RHOBTB2: variants seen among roughly 807,000 people sequenced by gnomAD.
RHOBTB2 encodes the protein rho-related BTB domain-containing protein 2.
In RHOBTB2, 39 loss-of-function variants were observed where a neutral mutation model predicts 66.5. That is an observed-to-expected ratio of 0.59 (90% CI 0.45 to 0.77). The LOEUF (loss-of-function observed/expected upper bound fraction) is 0.77, where lower values mean the gene tolerates loss of function less well. RHOBTB2 is among the 30% of genes least tolerant of loss of function. The pLI is 0.00. For synonymous variants in RHOBTB2, 390 were observed against 395.0 expected (o/e 0.99, Z 0.15); for missense variants, 755 against 999.1 (o/e 0.76, Z 3.29).
intron 1 of RHOBTB2, chr8:22,992,012 T>C (rs1463390756): frequency 6.6e-6 from 1 of 152,186 alleles, no homozygotes; most frequent in Non-Finnish European, 1.5e-5. Context: ...CATTGCAATG[T>C]GATCATGTTT....
At chr8:22,999,535 C>T (rs1348341240), upstream of RHOBTB2, 1 of 1,136,138 alleles carries the variant, frequency 8.8e-7, no homozygotes, top group Non-Finnish European at 1.1e-6. Flanking sequence ...ACCAACTGCG[C>T]GCGGCAGTGG....
the RHOBTB2 span, among the ~76,000 whole-genome samples, chr8:22,979,359 TC>T: frequency 0.022 from 3,357 of 152,276 alleles, 113 homozygotes; most frequent in African/African-American, 0.077. Flanking sequence ...AAAAGAAAAT[TC>T]TAAGAACAAT....
Position 23,006,616 on chromosome 8 carries a change from G to C in RHOBTB2, c.483-112G>C. ...TTTGGCCAGACAGAGCAGGGCAGGA[G>C]TGGGTGGGGATTGGCACCCAGATCC... On this transcript the variant is annotated intron_variant, in intron 4 of 9. Transcript: ENST00000251822. The surrounding 1 kb of genome is among the most constrained non-coding windows in gnomAD (Gnocchi z 6.1). The C allele has an allele frequency of 9.8e-7, 1 of 1,018,510 alleles. No individual in the cohort carries two copies. The highest frequency in any genetic ancestry group is 1.5e-6 in the Non-Finnish European group (1 of 676,184). 63.1% of individuals were successfully genotyped at this position (1,018,510 alleles called of 1,614,324 possible). A position where few individuals can be genotyped will look rare whatever the true frequency, so the allele number is the denominator to read the frequency against.
chr8:23,012,792 A>C (rs1356340693), intron 7 of RHOBTB2, among the ~76,000 whole-genome samples: 1 of 151,648 alleles, frequency 6.6e-6, no homozygotes, highest in African/African-American at 2.4e-5. Context: ...CTAATTTTTA[A>C]ATTTATTTTT....
At chr8:22,977,571 C>CAAA in the RHOBTB2 span, among the ~76,000 whole-genome samples, 338 of 136,552 alleles carry the variant, frequency 2.5e-3, 8 homozygotes, top group Non-Finnish European at 4.3e-3. Context: ...GACCCTTTCT[C>CAAA]AAAAAAAAAA....
chr8:23,012,959 A>T (rs978162640), intron 7 of RHOBTB2, among the ~76,000 whole-genome samples: 2 of 151,988 alleles, frequency 1.3e-5, no homozygotes, highest in African/African-American at 2.4e-5. Flanking sequence ...ATACACCACC[A>T]CACCCAGCTA....
Position 23,016,631 on chromosome 8 carries a change from C to G in RHOBTB2, c.1967-621C>G, listed in dbSNP as rs111707226. On this transcript the variant is annotated intron_variant, in intron 9 of 9. Coordinates refer to ENST00000251822, the MANE Select transcript of RHOBTB2 (RefSeq NM_015178.3). ...TTCACCACGTTGCCCAGGCTGGTCT[C>G]AAACTCCTGACCTCAGGCAATTTGC... Among the ~76,000 whole-genome samples the G allele has an allele frequency of 7.4e-3, 1,133 of 152,178 alleles. 18 individuals carry two copies. Among genetic ancestry groups the G allele is most frequent in the Middle Eastern group, 0.027 (8 of 294 alleles).
chr8:23,016,997 A>G (rs751802875), intron 9 of RHOBTB2, among the ~76,000 whole-genome samples: 2 of 152,000 alleles, frequency 1.3e-5, no homozygotes, highest in Non-Finnish European at 2.9e-5. Context: ...TTCCCAACGC[A>G]CAGGAAGCCC....
At chr8:23,012,777 C>T (rs1023173809) in intron 7 of RHOBTB2, among the ~76,000 whole-genome samples, 6 of 152,084 alleles carry the variant, frequency 3.9e-5, no homozygotes, top group African/African-American at 1.4e-4. Flanking sequence ...CCTCATCACA[C>T]CCAGCTAATT....
At chr8:22,964,174 C>T in the RHOBTB2 span, among the ~76,000 whole-genome samples, 5 of 152,020 alleles carry the variant, frequency 3.3e-5, no homozygotes, top group Non-Finnish European at 5.9e-5. Flanking sequence ...TTGCAAGAAC[C>T]GCACAGGAAA....
the RHOBTB2 span, among the ~76,000 whole-genome samples, chr8:22,961,864 C>T: frequency 6.6e-6 from 1 of 151,476 alleles, no homozygotes; most frequent in African/African-American, 2.4e-5. Flanking sequence ...GGGAAATGAC[C>T]AACAATGTAA....
At chr8:22,980,130 G>A in the RHOBTB2 span, among the ~76,000 whole-genome samples, 3 of 152,008 alleles carry the variant, frequency 2.0e-5, no homozygotes, top group African/African-American at 4.8e-5. Context: ...CCTCTATCCT[G>A]TTAGGTTCAT....
rs757703143 is a variant in RHOBTB2 at position 23,007,157 on chromosome 8, G to T, written c.912G>T (p.Glu304Asp). Residue 304 changes from glutamate to aspartate, a missense_variant, in exon 5 of 10, where the codon GAG becomes GAT. Coordinates refer to ENST00000251822, the MANE Select transcript of RHOBTB2 (RefSeq NM_015178.3). ...TCCTCATGGACCTGAGTGAGGGGGA[G>T]CTGGGGGGCCCCTCGGAGCCAGGGG... is the stretch of plus-strand genomic sequence containing the variant. Reference protein sequence around the residue: ...DLFLMDLSEGELGGPSEPGGT... With the variant: ...DLFLMDLSEGDLGGPSEPGGT... The T allele has an allele frequency of 1.2e-5, 20 of 1,606,278 alleles. No individual in the cohort carries two copies. Among genetic ancestry groups the T allele is most frequent in the Admixed American group, 1.7e-5 (1 of 59,916 alleles).
chr8:23,002,710 A>C (rs530683879), intron 1 of RHOBTB2, among the ~76,000 whole-genome samples: 7 of 152,104 alleles, frequency 4.6e-5, no homozygotes, highest in Admixed American at 3.9e-4. Context: ...CAAAAACAAA[A>C]AACGGTTGTC....
At chr8:22,978,647 G>T in the RHOBTB2 span, among the ~76,000 whole-genome samples, 1 of 149,886 alleles carries the variant, frequency 6.7e-6, no homozygotes. Context: ...TGTATTCCAC[G>T]TAACAGGAGG....
the RHOBTB2 span, among the ~76,000 whole-genome samples, chr8:22,972,790 T>G: frequency 3.3e-5 from 5 of 152,212 alleles, no homozygotes; most frequent in East Asian, 7.7e-4. Flanking sequence ...TTTGAGAACC[T>G]CCTGCTCTAG....
chr8:22,968,198 A>G, the RHOBTB2 span, among the ~76,000 whole-genome samples: 2 of 152,094 alleles, frequency 1.3e-5, no homozygotes, highest in African/African-American at 4.8e-5. Flanking sequence ...TATGTTATGA[A>G]TATTTTTCAC....
Position 23,006,859 on chromosome 8 carries a change from G to A in RHOBTB2, c.614G>A (p.Arg205Gln). 6.2e-7 allele frequency: 1 copy of A among 1,614,088 alleles called. No homozygotes were observed. The highest frequency in any genetic ancestry group is 8.5e-7 in the Non-Finnish European group (1 of 1,179,992). The change falls in exon 5 of 10, where the codon CGA becomes CAA. Residue 205 changes from arginine to glutamine, a missense_variant. Around this residue, in one of 7 missense-constraint regions of RHOBTB2, gnomAD observed 35 missense variants for 38.1 expected, o/e 0.92. Transcript: ENST00000251822. The surrounding 1 kb of genome is among the most constrained non-coding windows in gnomAD (Gnocchi z 6.1). ...GIKDVFDNAI[R>Q]AALISRRHLQ... is the part of the protein sequence containing the mutation. ...AAGGACGTCTTTGACAACGCCATCC[G>A]AGCTGCACTCATCTCCCGCCGCCAC...
intron 7 of RHOBTB2, among the ~76,000 whole-genome samples, chr8:23,013,819 T>C (rs1232912732): frequency 6.6e-6 from 1 of 152,214 alleles, no homozygotes; most frequent in East Asian, 1.9e-4. Flanking sequence ...TGAAGTATTA[T>C]TATGGCCCCT....
Sources: gnomAD v4.1 joint callset for allele counts (sites outside exome capture counted in the v4.1 genomes callset) on GRCh38, gnomAD v4.1.1 for gene constraint, gnomAD v4.1.1 regional missense constraint, Gnocchi (gnomAD v3.1) non-coding constraint, MANE v1.5 for transcripts, NCBI Gene and HGNC (gene_info 2026-07-23, HGNC 2026-07-21) for gene names.